Variants in PCDHGB3 observed in about 807,000 individuals in gnomAD.
The protein encoded by PCDHGB3 is protocadherin gamma subfamily B, 3.
In PCDHGB3, 40 loss-of-function variants were observed where a neutral mutation model predicts 59.2. The ratio of observed to expected loss-of-function variants is 0.68; its 90% CI spans 0.52 to 0.88. PCDHGB3 has a LOEUF of 0.88. Among genes scored for constraint, PCDHGB3 ranks in the 40% least tolerant of loss-of-function variants. PCDHGB3 has a pLI of 0.00. For missense variants in PCDHGB3, 1,309 were observed against 1,187.9 expected, an observed-to-expected ratio of 1.10 and a Z score of -1.50; for synonymous variants, 581 against 503.6, an observed-to-expected ratio of 1.15 and a Z score of -2.06.
chr5:141,376,549 T>C (rs757110514), intron 1 of PCDHGB3: 1 of 1,612,108 alleles, frequency 6.2e-7, no homozygotes, highest in East Asian at 2.2e-5. Context: ...AATCTGATCT[T>C]CCCGCAACCC....
In PCDHGB3 at chr5:141,372,016, C is replaced by T. The variant is rs565981965; in HGVS notation, c.1622C>T (p.Thr541Met). 121 of 1,613,374 alleles carry T rather than the reference C, an allele frequency of 7.5e-5. 1 individual carries two copies. The South Asian group carries it at 1.3e-3, about 17-fold the overall frequency. Residue 541 changes from threonine to methionine, a missense_variant, in exon 1 of 4, where the codon ACG becomes ATG. Physicochemically the swap from Thr to Met is moderately conservative, Grantham distance 81 (BLOSUM62 -1). Coordinates refer to ENST00000576222, the MANE Select transcript of PCDHGB3 (RefSeq NM_018924.5). Reference sequence around the variant, plus strand: ...CAGGCCCGCGACCAGGGCTCGCCTACGCTCAGCGCCAACGTGAGCCTGCGC... The same window carrying T: ...CAGGCCCGCGACCAGGGCTCGCCTATGCTCAGCGCCAACGTGAGCCTGCGC... The part of the protein sequence containing the change: ...TLQARDQGSP[T>M]LSANVSLRVL...
In PCDHGB3 at chr5:141,374,048, C is replaced by T. The variant is rs1406796976; in HGVS notation, c.2415+1239C>T. ...AAAGTGATGCAGATCTGTTCTTCCT[C>T]TTCTTAATCCCAGAGAAGTTCCTAA... On this transcript the variant is annotated intron_variant, in intron 1 of 3. Coordinates refer to ENST00000576222, the MANE Select transcript of PCDHGB3 (RefSeq NM_018924.5). The T allele has an allele frequency of 4.8e-6, 7 of 1,471,096 alleles. No homozygotes were observed. In the East Asian group the frequency reaches 1.4e-4, roughly 30 times the overall value. 91.1% of individuals were successfully genotyped at this position (1,471,096 alleles called of 1,614,324 possible).
chr5:141,479,050 C>G (rs1484021560), intron 1 of PCDHGB3, among the ~76,000 whole-genome samples: 1 of 152,164 alleles, frequency 6.6e-6, no homozygotes, highest in South Asian at 2.1e-4. Context: ...ACCTCATTCT[C>G]AGATAATTTT....
At chr5:141,394,982 C>T (rs754667421) in intron 1 of PCDHGB3, 16 of 1,613,866 alleles carry the variant, frequency 9.9e-6, no homozygotes, top group Non-Finnish European at 1.3e-5. Context: ...ACAAGTCACG[C>T]CTGCTCCAGG....
At position 141,486,927 on chromosome 5, in the gene PCDHGB3, G is replaced by A; in HGVS notation, c.2416-7880G>A. ...CCCCAAGCACTGCCTCCATCAGTTG[G>A]TGCTGGCCACCTAATCACAAAGGTG... On this transcript the variant is annotated intron_variant, in intron 1 of 3. Transcript: ENST00000576222. The surrounding 1 kb of genome is among the most constrained non-coding windows in gnomAD (Gnocchi z 5.0). 4 of 1,614,226 alleles carry A rather than the reference G, an allele frequency of 2.5e-6. No individual in the cohort carries two copies. Among genetic ancestry groups the A allele is most frequent in the Non-Finnish European group, 3.4e-6 (4 of 1,180,046 alleles).
intron 1 of PCDHGB3, among the ~76,000 whole-genome samples, chr5:141,465,984 T>C (rs11953841): frequency 0.18 from 27,399 of 151,848 alleles, 2,640 homozygotes; most frequent in Admixed American, 0.28. Context: ...TAGCCGGGCA[T>C]GGTGGCAGGC....
intron 1 of PCDHGB3, among the ~76,000 whole-genome samples, chr5:141,470,842 C>A (rs2099241464): frequency 6.6e-6 from 1 of 152,044 alleles, no homozygotes; most frequent in Non-Finnish European, 1.5e-5. Context: ...CACACGCCAC[C>A]ATGCTCAGAT....
chr5:141,395,025 T>C, intron 1 of PCDHGB3: 1 of 1,614,116 alleles, frequency 6.2e-7, no homozygotes, highest in Non-Finnish European at 8.5e-7. Flanking sequence ...CGTGCCTGCC[T>C]CACATTTTGT....
chr5:141,499,551 A>T (rs1178321389), intron 2 of PCDHGB3, among the ~76,000 whole-genome samples: 1 of 152,200 alleles, frequency 6.6e-6, no homozygotes, highest in Non-Finnish European at 1.5e-5. Flanking sequence ...AACCTGTATG[A>T]TACCACTATC....
Position 141,383,071 on chromosome 5 carries a change from G to C in PCDHGB3, c.2415+10262G>C. ...CAAGGACCTGGGGCTGGAGCCCCGGGAGCTGGCGGAGCGCGGAGTCCGCAT... is the reference window on the plus strand; with the variant it reads ...CAAGGACCTGGGGCTGGAGCCCCGGCAGCTGGCGGAGCGCGGAGTCCGCAT... On this transcript the variant is annotated intron_variant, in intron 1 of 3. Coordinates refer to ENST00000576222, the MANE Select transcript of PCDHGB3 (RefSeq NM_018924.5). The C allele has an allele frequency of 1.9e-6, 3 of 1,613,916 alleles. No homozygotes were observed. The South Asian group carries it at 3.3e-5, about 18-fold the overall frequency.
intron 1 of PCDHGB3, chr5:141,427,278 A>G (rs981860450): frequency 2.2e-6 from 1 of 456,706 alleles, no homozygotes; most frequent in Non-Finnish European, 4.4e-6. Context: ...ATGTAAAATT[A>G]TACTAGAAAT....
chr5:141,435,467 G>A (rs1019246812), intron 1 of PCDHGB3, among the ~76,000 whole-genome samples: 3 of 152,146 alleles, frequency 2.0e-5, no homozygotes, highest in Non-Finnish European at 2.9e-5. Context: ...GTGTTTCCAA[G>A]TTAGACATTT....
chr5:141,417,023 T>C (rs2096074487), intron 1 of PCDHGB3: 1 of 139,106 alleles, frequency 7.2e-6, no homozygotes, highest in South Asian at 2.3e-4. Flanking sequence ...TTTTGAAAAA[T>C]ACAGGTTTTT....
chr5:141,465,995 A>C lies in PCDHGB3; in HGVS notation c.2416-28812A>C, dbSNP rs551920109. On this transcript the variant is annotated intron_variant, in intron 1 of 3. Coordinates refer to ENST00000576222, the MANE Select transcript of PCDHGB3 (RefSeq NM_018924.5). ...AAATTAGCCGGGCATGGTGGCAGGC[A>C]CCTGTAGTCCCAGCTACTCGGGAGG... Among the ~76,000 whole-genome samples the C allele has an allele frequency of 1.3e-4, 20 of 151,982 alleles. No homozygotes were observed. In the South Asian group the frequency reaches 4.2e-3, roughly 32 times the overall value.
chr5:141,417,980 C>G lies in PCDHGB3; in HGVS notation c.2415+45171C>G, dbSNP rs905203424. On this transcript the variant is annotated intron_variant, in intron 1 of 3. Coordinates refer to ENST00000576222, the MANE Select transcript of PCDHGB3 (RefSeq NM_018924.5). ...GATCCGCTACTCGATTCCGGAGGAG[C>G]TGGCCAAGGGCTCGGTGGTGGGGAA... is the stretch of plus-strand genomic sequence containing the variant. The G allele has an allele frequency of 1.9e-6, 3 of 1,613,738 alleles. No individual in the cohort carries two copies. In the African/African-American group the frequency reaches 4.0e-5, roughly 22 times the overall value.
intron 1 of PCDHGB3, among the ~76,000 whole-genome samples, chr5:141,467,938 C>A (rs527892047): frequency 9.8e-5 from 15 of 152,304 alleles, no homozygotes; most frequent in Non-Finnish European, 1.5e-4. Flanking sequence ...GGATTACAAG[C>A]ATGAGCCACC....
Position 141,431,354 on chromosome 5 carries a change from G to GCC in PCDHGB3, c.2415+58547_2415+58548dup. The GCC allele has an allele frequency of 6.2e-7, 1 of 1,614,036 alleles. No individual in the cohort carries two copies. Among genetic ancestry groups the GCC allele is most frequent in the African/African-American group, 1.3e-5 (1 of 75,052 alleles). On this transcript the variant is annotated intron_variant, in intron 1 of 3. Transcript: ENST00000576222. This position sits in a 1 kb window ranked among gnomAD's most constrained non-coding sequence, Gnocchi z 4.8. Reference sequence around the variant, plus strand: ...GTACCCCGAATTGGTGCTGAAACGCGCCCTGGACCGCGAAGAAAAGGCTGC... The same window carrying GCC: ...GTACCCCGAATTGGTGCTGAAACGCGCCCCCTGGACCGCGAAGAAAAGGCTGC...
At chr5:141,382,378 C>T (rs1160680038) in intron 1 of PCDHGB3, among the ~76,000 whole-genome samples, 1 of 152,098 alleles carries the variant, frequency 6.6e-6, no homozygotes, top group Non-Finnish European at 1.5e-5. Flanking sequence ...TTTTTGCCTT[C>T]AATAACTGAT....
chr5:141,398,383 G>C, intron 1 of PCDHGB3: 4 of 1,451,918 alleles, frequency 2.8e-6, no homozygotes, highest in Non-Finnish European at 2.9e-6. Context: ...GGAGTTGCTT[G>C]TGAGCAGCAG....
Sources: allele counts gnomAD v4.1 joint callset (sites outside exome capture counted in the v4.1 genomes callset), GRCh38; gene constraint gnomAD v4.1.1; non-coding constraint Gnocchi (gnomAD v3.1); transcripts MANE v1.5; gene names NCBI Gene and HGNC (gene_info 2026-07-23, HGNC 2026-07-21).